TRHDE: variants seen among roughly 807,000 people sequenced by gnomAD.
TRHDE encodes thyrotropin-releasing hormone-degrading ectoenzyme.
TRHDE carries 72 observed loss-of-function variants against 125.7 expected under a neutral mutation model. That is an observed-to-expected ratio of 0.57 (90% CI 0.47 to 0.70). The LOEUF (loss-of-function observed/expected upper bound fraction) is 0.70, where lower values mean the gene tolerates loss of function less well. Among genes scored for constraint, TRHDE ranks in the 30% least tolerant of loss-of-function variants. The probability of loss-of-function intolerance (pLI) is 0.00; values close to 1 mark genes in which losing one functional copy is unlikely to be tolerated. For synonymous variants in TRHDE, 509 were observed against 509.1 expected (o/e 1.00, Z 0.00); for missense variants, 1,110 against 1,327.1 (o/e 0.84, Z 2.54).
intron 2 of TRHDE, among the ~76,000 whole-genome samples, chr12:72,287,474 A>G (rs1408777133): frequency 6.6e-6 from 1 of 151,992 alleles, no homozygotes; most frequent in Non-Finnish European, 1.5e-5. Context: ...CCATCCCTTG[A>G]TCTCACTGCC....
intron 6 of TRHDE, among the ~76,000 whole-genome samples, chr12:72,522,546 AT>A (rs567181285): frequency 2.6e-5 from 4 of 152,014 alleles, no homozygotes; most frequent in African/African-American, 9.7e-5. Context: ...ATGAGTTTTG[AT>A]TTTTTTTATT....
chr12:72,203,759 A>G (rs561369001), intron 2 of TRHDE, among the ~76,000 whole-genome samples: 13 of 152,072 alleles, frequency 8.5e-5, no homozygotes, highest in Non-Finnish European at 1.6e-4. Context: ...AATTTTTTCT[A>G]TTATACCCCT....
intron 12 of TRHDE, among the ~76,000 whole-genome samples, chr12:72,605,776 A>G (rs1016247819): frequency 2.0e-5 from 3 of 152,116 alleles, no homozygotes; most frequent in Non-Finnish European, 4.4e-5. Flanking sequence ...CATGACACAC[A>G]TAGAAGGTGT....
intron 3 of TRHDE, among the ~76,000 whole-genome samples, chr12:72,439,140 C>T (rs1388771914): frequency 6.6e-6 from 1 of 151,788 alleles, no homozygotes; most frequent in Non-Finnish European, 1.5e-5. Flanking sequence ...GCTCTCTCTT[C>T]TGCTTAATTG....
At chr12:72,335,235 G>A (rs1869778205) in intron 2 of TRHDE, among the ~76,000 whole-genome samples, 1 of 152,084 alleles carries the variant, frequency 6.6e-6, no homozygotes, top group African/African-American at 2.4e-5. Flanking sequence ...TGTGCTCTTG[G>A]GGGTAAATTC....
At chr12:72,304,132 G>T (rs1038118001) in intron 2 of TRHDE, among the ~76,000 whole-genome samples, 1 of 152,098 alleles carries the variant, frequency 6.6e-6, no homozygotes, top group African/African-American at 2.4e-5. Context: ...TTTTCCACTA[G>T]ACTAATTACG....
At chr12:72,148,708 C>T (rs956192051) in intron 2 of TRHDE, among the ~76,000 whole-genome samples, 6 of 152,182 alleles carry the variant, frequency 3.9e-5, no homozygotes, top group African/African-American at 7.2e-5. Flanking sequence ...CCTTAGGAAT[C>T]GCAGTGATCT....
chr12:72,100,578 T>C (rs1334340045), intron 1 of TRHDE, among the ~76,000 whole-genome samples: 1 of 152,230 alleles, frequency 6.6e-6, no homozygotes. Flanking sequence ...ATTTATCTTC[T>C]GTGGACATCC....
At chr12:72,183,827 A>C (rs182407836) in intron 2 of TRHDE, among the ~76,000 whole-genome samples, 1 of 152,318 alleles carries the variant, frequency 6.6e-6, no homozygotes. Flanking sequence ...GGATTTTTTC[A>C]ACAGTTAAAT....
At chr12:72,137,299 AC>A (rs1876007471) in intron 2 of TRHDE, 1 of 152,200 alleles carries the variant, frequency 6.6e-6, no homozygotes, top group Admixed American at 6.5e-5. Context: ...GAATGAAATG[AC>A]CAGAACCATA....
At position 72,351,278 on chromosome 12, in the gene TRHDE, T is replaced by A. The variant is rs556997715; in HGVS notation, c.1189-26717T>A. On this transcript the variant is annotated intron_variant, in intron 2 of 18. Transcript: ENST00000261180. ...AGGGTTAAATGGGGTCATATATTGG[T>A]CTGCAAAATTAGTTCCGCCATGTTA... is the stretch of plus-strand genomic sequence containing the variant. Among the ~76,000 whole-genome samples the A allele has an allele frequency of 2.6e-5, 4 of 152,114 alleles. No individual in the cohort carries two copies. The South Asian group carries it at 8.3e-4, about 32-fold the overall frequency.
At chr12:72,353,244 A>T (rs1870667099) in intron 2 of TRHDE, among the ~76,000 whole-genome samples, 1 of 151,748 alleles carries the variant, frequency 6.6e-6, no homozygotes. Context: ...GTTTTGTAAA[A>T]CAAAACTGAA....
intron 3 of TRHDE, among the ~76,000 whole-genome samples, chr12:72,452,036 C>T (rs916220294): frequency 1.3e-5 from 2 of 152,158 alleles, no homozygotes; most frequent in Admixed American, 6.5e-5. Context: ...ACTATGTCGG[C>T]CAGGCTGGTC....
At chr12:72,474,031 T>A (rs1167016619) in intron 5 of TRHDE, among the ~76,000 whole-genome samples, 1 of 152,076 alleles carries the variant, frequency 6.6e-6, no homozygotes, top group African/African-American at 2.4e-5. Context: ...CACATATATA[T>A]GCACACACAC....
chr12:72,164,805 T>C (rs1039553094), intron 2 of TRHDE, among the ~76,000 whole-genome samples: 1 of 152,190 alleles, frequency 6.6e-6, no homozygotes, highest in East Asian at 1.9e-4. Flanking sequence ...CTCAATCCCC[T>C]ATAAGTCCTG....
chr12:72,090,017 T>A (rs1018844346), intron 1 of TRHDE, among the ~76,000 whole-genome samples: 11 of 152,238 alleles, frequency 7.2e-5, no homozygotes, highest in African/African-American at 2.4e-4. Flanking sequence ...TTGGTGTTGC[T>A]TTTTATTTGG....
chr12:72,467,586 G>A (rs753918642), intron 3 of TRHDE, among the ~76,000 whole-genome samples: 4 of 152,192 alleles, frequency 2.6e-5, no homozygotes, highest in Non-Finnish European at 5.9e-5. Context: ...GGAGGCCGAG[G>A]TGGGTGGATC....
intron 3 of TRHDE, among the ~76,000 whole-genome samples, chr12:72,400,260 C>T (rs1347210996): frequency 6.6e-6 from 1 of 151,956 alleles, no homozygotes; most frequent in Non-Finnish European, 1.5e-5. Context: ...ATACAGTGTT[C>T]AAGTTTATTA....
chr12:72,640,349 C>A (rs1011366946), intron 15 of TRHDE, among the ~76,000 whole-genome samples: 1 of 152,228 alleles, frequency 6.6e-6, no homozygotes, highest in Non-Finnish European at 1.5e-5. Flanking sequence ...GGCAATGCCT[C>A]GCCCTGCTTT....
Sources: gnomAD v4.1 joint callset for allele counts (sites outside exome capture counted in the v4.1 genomes callset) on GRCh38, gnomAD v4.1.1 for gene constraint, MANE v1.5 for transcripts, NCBI Gene and HGNC (gene_info 2026-07-23, HGNC 2026-07-21) for gene names.